CGREF1: variants seen among roughly 807,000 people sequenced by gnomAD.
CGREF1 encodes cell growth regulator with EF-hand domain 1, also known as cell growth regulator with EF hand domain protein 1.
CGREF1 carries 16 observed loss-of-function variants against 17.4 expected under a neutral mutation model. The observed-to-expected ratio is 0.92, with a 90% CI of 0.62 to 1.40. CGREF1 has a LOEUF of 1.40. Ranked by LOEUF, CGREF1 falls within the 40% of genes most tolerant of loss-of-function variation. The pLI is 0.00. For synonymous variants in CGREF1, 142 were observed against 154.6 expected, an observed-to-expected ratio of 0.92 and a Z score of 0.61; for missense variants, 296 against 376.4, an observed-to-expected ratio of 0.79 and a Z score of 1.77.
chr2:27,110,406 TACACAC>T (rs56066812), intron 1 of CGREF1, among the ~76,000 whole-genome samples: 6 of 150,856 alleles, frequency 4.0e-5, no homozygotes, highest in Admixed American at 6.6e-5. Context: ...TCCAAAAAAA[TACACAC>T]ACACACACAC....
intron 1 of CGREF1, among the ~76,000 whole-genome samples, chr2:27,114,940 GCCCAGGCTGATTGGAAACCCCCAGGCT>G: frequency 6.6e-6 from 1 of 152,294 alleles, no homozygotes; most frequent in East Asian, 1.9e-4. Flanking sequence ...CTCACATGTT[GCCCAGGCTGATTGGAAACCCCCAGGCT>G]CAAGCAATCC....
chr2:27,100,237 C>T (rs1209389045), downstream of CGREF1: 1 of 393,248 alleles, frequency 2.5e-6, no homozygotes, highest in African/African-American at 2.1e-5. Context: ...GACTCTATTC[C>T]CACAGCTCAG....
chr2:27,102,062 CCTT>C, intron 5 of CGREF1, 32 bp downstream of exon 5: 1 of 1,584,120 alleles, frequency 6.3e-7, no homozygotes, highest in Non-Finnish European at 8.6e-7. Flanking sequence ...TGCTGGGTCT[CCTT>C]TATGCGGGGA....
At chr2:27,102,024 TATG>T (rs1261188947) in intron 5 of CGREF1, 70 bp downstream of exon 5, 26 of 1,560,826 alleles carry the variant, frequency 1.7e-5, no homozygotes, top group Admixed American at 3.8e-5. Flanking sequence ...CCAAAAGAGT[TATG>T]ATGAGAAAGA....
chr2:27,113,564 A>C (rs12714094), intron 1 of CGREF1, among the ~76,000 whole-genome samples: 54,544 of 151,932 alleles, frequency 0.36, 10,195 homozygotes, highest in Admixed American at 0.5. Flanking sequence ...TTGCTATGGA[A>C]TAGGTGGTAC....
At chr2:27,099,556 G>A (rs114353144), downstream of CGREF1, 2,675 of 1,614,144 alleles carry the variant, frequency 1.7e-3, 5 homozygotes, top group Admixed American at 3.1e-3. Context: ...CAATGCCTCC[G>A]TCATCTTCAG....
intron 2 of CGREF1, among the ~76,000 whole-genome samples, chr2:27,103,417 A>G (rs1453803480): frequency 6.6e-6 from 1 of 151,240 alleles, no homozygotes; most frequent in Non-Finnish European, 1.5e-5. Context: ...TCTGTCACCC[A>G]GGCTGAGTGC....
chr2:27,113,058 G>C (rs1470521962), intron 1 of CGREF1, among the ~76,000 whole-genome samples: 1 of 152,216 alleles, frequency 6.6e-6, no homozygotes, highest in African/African-American at 2.4e-5. Flanking sequence ...TGCCTACAGG[G>C]TGCCTGGGAG....
At chr2:27,110,408 CA>C (rs1270498352) in intron 1 of CGREF1, among the ~76,000 whole-genome samples, 15 of 284 alleles carry the variant, frequency 0.053, no homozygotes. Flanking sequence ...CAAAAAAATA[CA>C]CACACACACA....
chr2:27,101,826 G>A lies in CGREF1; in HGVS notation c.405C>T (p.Thr135=), dbSNP rs1670873069. ...TQDLNGDGLM[T]PAELINFPGV... ...CCGGGAAGTTGATGAGCTCAGCAGG[G>A]GTCATGAGCCCATCCCCATTCAGGT... The change falls in exon 6 of 6, where the codon ACC becomes ACT. Residue 135 remains threonine, a synonymous_variant. Transcript: ENST00000402394. 2.5e-6 allele frequency: 4 copies of A among 1,614,110 alleles called. No individual in the cohort carries two copies. The highest frequency in any genetic ancestry group is 3.4e-6 in the Non-Finnish European group (4 of 1,180,020).
At chr2:27,111,242 A>G (rs1336305846) in intron 1 of CGREF1, among the ~76,000 whole-genome samples, 5 of 152,168 alleles carry the variant, frequency 3.3e-5, no homozygotes, top group African/African-American at 9.7e-5. Context: ...TGAGCTAGAC[A>G]CAAAGGTTCT....
At chr2:27,107,090 G>C (rs1671149066) in intron 1 of CGREF1, among the ~76,000 whole-genome samples, 1 of 152,144 alleles carries the variant, frequency 6.6e-6, no homozygotes, top group African/African-American at 2.4e-5. Flanking sequence ...ATTTCCATAG[G>C]TAAAGTTTCC....
rs972051875 is a variant in CGREF1 at position 27,101,031 on chromosome 2, TGA to T, written c.*241_*242del. Reference sequence around the variant, plus strand: ...CTTTCGGTCCCCAACCCCGTTCCTCTGAGAGGGTCTGGGCAGGCTGGACGGGT... The same window carrying T: ...CTTTCGGTCCCCAACCCCGTTCCTCTGAGGGTCTGGGCAGGCTGGACGGGT... On this transcript the variant is annotated 3_prime_UTR_variant, in exon 6 of 6. Coordinates refer to ENST00000402394, the MANE Select transcript of CGREF1 (RefSeq NM_006569.6). 19 of 1,310,338 alleles carry T rather than the reference TGA, an allele frequency of 1.5e-5. No individual in the cohort carries two copies. The highest frequency in any genetic ancestry group is 7.5e-5 in the African/African-American group (5 of 66,268). 81.2% of individuals were successfully genotyped at this position (1,310,338 alleles called of 1,614,324 possible). A position where few individuals can be genotyped will look rare whatever the true frequency, so the allele number is the denominator to read the frequency against.
At chr2:27,103,564 G>A (rs184795136) in intron 2 of CGREF1, among the ~76,000 whole-genome samples, 108 of 151,900 alleles carry the variant, frequency 7.1e-4, no homozygotes, top group African/African-American at 2.5e-3. Flanking sequence ...TGTAGAGATG[G>A]GGTTTCACCA....
downstream of CGREF1, chr2:27,099,483 G>C: frequency 6.2e-7 from 1 of 1,614,140 alleles, no homozygotes; most frequent in East Asian, 2.2e-5. Context: ...ATGGCAAATT[G>C]CTCCACTCGG....
intron 1 of CGREF1, among the ~76,000 whole-genome samples, chr2:27,114,562 CAAGTAATAA>C (rs1426168580): frequency 6.6e-6 from 1 of 152,160 alleles, no homozygotes; most frequent in Non-Finnish European, 1.5e-5. Context: ...CTTCCAAGTC[CAAGTAATAA>C]AAGTGACCTA....
rs145161801 is a variant in CGREF1 at position 27,114,821 on chromosome 2, C to A, written c.-12+4025G>T. On this transcript the variant is annotated intron_variant, in intron 1 of 5. Transcript: ENST00000402394. ...TTCTAACCCCCAGCCTCTGAGCTGCCCCAGCCAACACTGAATGCAGTAGAA... is the reference window on the plus strand; with the variant it reads ...TTCTAACCCCCAGCCTCTGAGCTGCACCAGCCAACACTGAATGCAGTAGAA... 8.1e-3 allele frequency among the ~76,000 whole-genome samples: 1,235 copies of A among 152,276 alleles called. 10 individuals are homozygous for A. Among genetic ancestry groups the A allele is most frequent in the African/African-American group, 0.027 (1,126 of 41,554 alleles).
At chr2:27,115,350 A>G (rs1255682984) in intron 1 of CGREF1, among the ~76,000 whole-genome samples, 1 of 152,174 alleles carries the variant, frequency 6.6e-6, no homozygotes, top group Non-Finnish European at 1.5e-5. Context: ...TGGACAGAAA[A>G]CAGAGCTTTG....
At chr2:27,111,290 A>G (rs1242357762) in intron 1 of CGREF1, among the ~76,000 whole-genome samples, 5 of 152,240 alleles carry the variant, frequency 3.3e-5, no homozygotes, top group African/African-American at 7.2e-5. Flanking sequence ...CAGAGTGTCA[A>G]TTGGTGCATT....
Sources: allele counts gnomAD v4.1 joint callset (sites outside exome capture counted in the v4.1 genomes callset), GRCh38; gene constraint gnomAD v4.1.1; transcripts MANE v1.5; gene names NCBI Gene and HGNC (gene_info 2026-07-23, HGNC 2026-07-21).